Variants in MED26 observed in about 807,000 individuals in gnomAD.
MED26 encodes mediator of RNA polymerase II transcription subunit 26.
Under a neutral mutation model 43.7 loss-of-function variants are expected in MED26, and 7 were observed. The observed-to-expected ratio is 0.16, with a 90% CI of 0.09 to 0.30. MED26 has a LOEUF of 0.30. MED26 is among the 10% of genes least tolerant of loss of function. The pLI is 1.00. For missense variants in MED26, 784 were observed against 840.6 expected, an observed-to-expected ratio of 0.93 and a Z score of 0.83; for synonymous variants, 375 against 371.1, an observed-to-expected ratio of 1.01 and a Z score of -0.12.
chr19:16,593,792 C>T (rs1305033475), intron 1 of MED26, among the ~76,000 whole-genome samples: 1 of 152,126 alleles, frequency 6.6e-6, no homozygotes, highest in African/African-American at 2.4e-5. Context: ...CTGAGTGGGT[C>T]CTGGAGATGC....
At chr19:16,625,646 C>A (rs1405301694) in intron 1 of MED26, among the ~76,000 whole-genome samples, 1 of 152,068 alleles carries the variant, frequency 6.6e-6, no homozygotes, top group Non-Finnish European at 1.5e-5. Flanking sequence ...ACGCCGGCAG[C>A]ACCTGTGCTG....
intron 1 of MED26, among the ~76,000 whole-genome samples, chr19:16,601,667 A>G (rs2086150199): frequency 6.6e-6 from 1 of 152,198 alleles, no homozygotes; most frequent in South Asian, 2.1e-4. Flanking sequence ...ACACCTGGAG[A>G]GTAAGCAGGA....
chr19:16,576,358 C>T lies in MED26; in HGVS notation c.1472G>A (p.Ser491Asn). 1 of 1,614,118 alleles carries T rather than the reference C, an allele frequency of 6.2e-7. No homozygotes were observed. Among genetic ancestry groups the T allele is most frequent in the South Asian group, 1.1e-5 (1 of 91,078 alleles). ...TGATGAGAGCAGGCTGCTCTGCCGG[C>T]TCAGGTAGGACTGGATGATCTCGTT... ...SRNEIIQSYL[S>N]RQSSLLSSSG... Residue 491 changes from serine (S) to asparagine (N), a missense_variant, in exon 3 of 3, where the codon AGC (serine) becomes AAC (asparagine). Physicochemically the swap from Ser to Asn is conservative, Grantham distance 46. Around this residue, in one of 3 missense-constraint regions of MED26, gnomAD observed 719 missense variants for 730.9 expected, o/e 0.98. Coordinates refer to ENST00000263390, the MANE Select transcript of MED26 (RefSeq NM_004831.5). This position sits in a 1 kb window ranked among gnomAD's most constrained non-coding sequence, Gnocchi z 6.8.
At chr19:16,622,149 C>A (rs1456364739) in intron 1 of MED26, among the ~76,000 whole-genome samples, 2 of 152,236 alleles carry the variant, frequency 1.3e-5, no homozygotes, top group East Asian at 1.9e-4. Flanking sequence ...AGAAAGCCAT[C>A]TCATATTCTT....
At chr19:16,597,886 C>T (rs2086129465) in intron 1 of MED26, among the ~76,000 whole-genome samples, 1 of 152,062 alleles carries the variant, frequency 6.6e-6, no homozygotes, top group African/African-American at 2.4e-5. Flanking sequence ...CCTTGCCCGG[C>T]TAATTTTTTT....
At chr19:16,623,850 C>T (rs2086262033) in intron 1 of MED26, among the ~76,000 whole-genome samples, 1 of 152,096 alleles carries the variant, frequency 6.6e-6, no homozygotes, top group Non-Finnish European at 1.5e-5. Flanking sequence ...ACTTTGGTTC[C>T]ACCACCTCCC....
At chr19:16,602,647 C>G (rs2086155170) in intron 1 of MED26, among the ~76,000 whole-genome samples, 1 of 152,196 alleles carries the variant, frequency 6.6e-6, no homozygotes, top group Non-Finnish European at 1.5e-5. Context: ...ATCTGAACAA[C>G]AGGACAGTAT....
At position 16,576,156 on chromosome 19, in the gene MED26, G is replaced by A. The variant is rs766204476; in HGVS notation, c.1674C>T (p.Ser558=). 6.2e-7 allele frequency: 1 copy of A among 1,613,782 alleles called. No homozygotes were observed. The highest frequency in any genetic ancestry group is 1.1e-5 in the South Asian group (1 of 91,090). Residue 558 remains serine, a synonymous_variant, in exon 3 of 3, where the codon AGC becomes AGT. Coordinates refer to ENST00000263390, the MANE Select transcript of MED26 (RefSeq NM_004831.5). This position sits in a 1 kb window ranked among gnomAD's most constrained non-coding sequence, Gnocchi z 6.8. ...GACACCCGTTCACCCCCGGCCACTG[G>A]CTGGCCTGGATTCTGTCGAGATCGT... ...TQDDLDRIQA[S]QWPGVNGCQD... is the part of the protein sequence containing the mutation.
At chr19:16,609,311 CAAAAAAAAAA>C (rs777358965) in intron 1 of MED26, among the ~76,000 whole-genome samples, 15 of 25,068 alleles carry the variant, frequency 6.0e-4, no homozygotes, top group East Asian at 2.5e-3. Flanking sequence ...GACTCCGTCT[CAAAAAAAAAA>C]AAAAAAAAAA....
intron 1 of MED26, among the ~76,000 whole-genome samples, chr19:16,623,229 T>C (rs1433709167): frequency 3.9e-5 from 6 of 152,130 alleles, no homozygotes; most frequent in Non-Finnish European, 8.8e-5. Flanking sequence ...TACCTTTCCA[T>C]TTCCCGAAGT....
intron 1 of MED26, among the ~76,000 whole-genome samples, chr19:16,607,122 G>A (rs538839715): frequency 1.3e-5 from 2 of 152,134 alleles, no homozygotes; most frequent in Admixed American, 6.5e-5. Flanking sequence ...TGGGAGGATC[G>A]CTTGATGCCA....
rs79386375 is a variant in MED26, at chr19:16,618,243, A to G, written c.72+9629T>C. Among the ~76,000 whole-genome samples, 188 of 152,258 alleles carry G rather than the reference A, an allele frequency of 1.2e-3. 7 individuals are homozygous for G. In the East Asian group the frequency reaches 0.034, roughly 28 times the overall value. Reference sequence around the variant, plus strand: ...GCCTGGGTCACAGCGCAGTCTCCTCATGACCACAGGAGGCCTGGTGGGGTT... The same window carrying G: ...GCCTGGGTCACAGCGCAGTCTCCTCGTGACCACAGGAGGCCTGGTGGGGTT... On this transcript the variant is annotated intron_variant, in intron 1 of 2. Coordinates refer to ENST00000263390, the MANE Select transcript of MED26 (RefSeq NM_004831.5).
Position 16,578,241 on chromosome 19 carries a change from C to A in MED26, c.147+94G>T, listed in dbSNP as rs559320867. The A allele has an allele frequency of 2.5e-6, 3 of 1,178,676 alleles. No homozygotes were observed. In the Admixed American group the frequency reaches 5.3e-5, roughly 21 times the overall value. 73.0% of individuals were successfully genotyped at this position (1,178,676 alleles called of 1,614,324 possible). Reference sequence around the variant, plus strand: ...CTCTCTTGGTCCTCCGAAGCAAAGACACTGATGCTCCCAGAAGCTGCGGAA... The same window carrying A: ...CTCTCTTGGTCCTCCGAAGCAAAGAAACTGATGCTCCCAGAAGCTGCGGAA... On this transcript the variant is annotated intron_variant, in intron 2 of 2. Transcript: ENST00000263390.
chr19:16,609,172 G>T (rs377453580), intron 1 of MED26, among the ~76,000 whole-genome samples: 1 of 151,896 alleles, frequency 6.6e-6, no homozygotes, highest in African/African-American at 2.4e-5. Context: ...AAAATTAGCC[G>T]GGTATGGTGG....
chr19:16,627,800 G>A, intron 1 of MED26, 72 bp downstream of exon 1: 5 of 1,129,942 alleles, frequency 4.4e-6, no homozygotes, highest in South Asian at 2.1e-5. Flanking sequence ...CCCGGTGGGC[G>A]AGGGGTACAG....
At chr19:16,581,124 C>T (rs150928888) in intron 1 of MED26, among the ~76,000 whole-genome samples, 30 of 152,310 alleles carry the variant, frequency 2.0e-4, no homozygotes, top group African/African-American at 6.3e-4. Context: ...TGCAGAGCCA[C>T]GACAGCAGTC....
chr19:16,626,097 T>C (rs1039175272), intron 1 of MED26, among the ~76,000 whole-genome samples: 14 of 152,114 alleles, frequency 9.2e-5, no homozygotes, highest in Admixed American at 6.6e-4. Context: ...TAGAACCCTA[T>C]ACAATACTGG....
chr19:16,597,351 C>A, intron 1 of MED26: 1 of 398,526 alleles, frequency 2.5e-6, no homozygotes, highest in South Asian at 1.3e-4. Context: ...ATACCAGATC[C>A]CAGTATGACA....
chr19:16,620,059 A>G (rs1248102198), intron 1 of MED26, among the ~76,000 whole-genome samples: 1 of 152,146 alleles, frequency 6.6e-6, no homozygotes, highest in Non-Finnish European at 1.5e-5. Flanking sequence ...TAGGGTGAAA[A>G]ATACCTGACG....
Sources: gnomAD v4.1 joint callset for allele counts (sites outside exome capture counted in the v4.1 genomes callset) on GRCh38, gnomAD v4.1.1 for gene constraint, gnomAD v4.1.1 regional missense constraint, Gnocchi (gnomAD v3.1) non-coding constraint, MANE v1.5 for transcripts, NCBI Gene and HGNC (gene_info 2026-07-23, HGNC 2026-07-21) for gene names.